GSG1L: variants seen among roughly 807,000 people sequenced by gnomAD.
GSG1L encodes the protein GSG1 like.
In GSG1L, 24 loss-of-function variants were observed where a neutral mutation model predicts 42.1. The observed-to-expected ratio is 0.57, with a 90% CI of 0.41 to 0.80. GSG1L has a LOEUF of 0.80. GSG1L is among the 30% of genes least tolerant of loss of function. The pLI, the probability that GSG1L is intolerant of heterozygous loss-of-function variation, is 0.00. For missense variants in GSG1L, 445 were observed against 472.2 expected, an observed-to-expected ratio of 0.94 and a Z score of 0.53; for synonymous variants, 215 against 203.5, an observed-to-expected ratio of 1.06 and a Z score of -0.48.
intron 2 of GSG1L, among the ~76,000 whole-genome samples, chr16:27,886,296 C>A (rs186792353): frequency 1.3e-5 from 2 of 152,086 alleles, no homozygotes; most frequent in Non-Finnish European, 2.9e-5. Context: ...AAAAAGTAGC[C>A]GGGCGTGGTG....
At chr16:28,006,726 C>A (rs1160947349) in intron 1 of GSG1L, among the ~76,000 whole-genome samples, 1 of 152,084 alleles carries the variant, frequency 6.6e-6, no homozygotes, top group African/African-American at 2.4e-5. Flanking sequence ...TATTACAGCA[C>A]CCACAGAAAA....
Position 27,947,573 on chromosome 16 carries a change from G to GAAAGAAAGAAAGAAAGAAAGAAAGAA in GSG1L, c.397+15557_397+15582dup, listed in dbSNP as rs1567530857. 8.7e-5 allele frequency among the ~76,000 whole-genome samples: 8 copies of GAAAGAAAGAAAGAAAGAAAGAAAGAA among 92,028 alleles called. No individual in the cohort carries two copies. In the East Asian group the frequency reaches 1.0e-3, roughly 12 times the overall value. The allele number at this position is 92,028 out of a possible 152,430, so 60.4% of individuals were successfully genotyped here. Reference sequence around the variant, plus strand: ...AGAAAGAAAGAAAGAAAGAAAGAAAGAAAGAAAGAAAGAAAGAAAGAAAGA... The same window carrying GAAAGAAAGAAAGAAAGAAAGAAAGAA: ...AGAAAGAAAGAAAGAAAGAAAGAAAGAAAGAAAGAAAGAAAGAAAGAAAGAAAAAGAAAGAAAGAAAGAAAGAAAGA... On this transcript the variant is annotated intron_variant, in intron 2 of 6. Transcript: ENST00000447459.
intron 2 of GSG1L, among the ~76,000 whole-genome samples, chr16:27,947,889 A>G (rs2084903418): frequency 6.6e-6 from 1 of 152,176 alleles, no homozygotes; most frequent in Non-Finnish European, 1.5e-5. Flanking sequence ...TTCCATGCAC[A>G]AGGGTCAGAC....
intron 4 of GSG1L, among the ~76,000 whole-genome samples, chr16:27,840,916 A>T (rs1418667669): frequency 6.6e-6 from 1 of 152,162 alleles, no homozygotes; most frequent in Non-Finnish European, 1.5e-5. Flanking sequence ...CACGCCCCAG[A>T]TGACCTCAGC....
intron 1 of GSG1L, among the ~76,000 whole-genome samples, chr16:28,007,535 C>T (rs576789746): frequency 2.0e-5 from 3 of 152,022 alleles, no homozygotes; most frequent in South Asian, 4.2e-4. Context: ...GGTTTTGAGA[C>T]AGGATCTTGC....
At chr16:27,936,076 C>T (rs9932924) in intron 2 of GSG1L, among the ~76,000 whole-genome samples, 23,020 of 151,310 alleles carry the variant, frequency 0.15, 1,895 homozygotes, top group Non-Finnish European at 0.19. Context: ...AGACCTTCAC[C>T]CAGCCTGCCT....
intron 3 of GSG1L, among the ~76,000 whole-genome samples, chr16:27,880,418 C>T (rs962318332): frequency 3.3e-5 from 5 of 152,194 alleles, no homozygotes; most frequent in Non-Finnish European, 5.9e-5. Flanking sequence ...TTTGTCCTCC[C>T]GCCTGGTCAC....
chr16:27,880,762 A>C (rs2083942535), intron 3 of GSG1L, among the ~76,000 whole-genome samples: 1 of 152,028 alleles, frequency 6.6e-6, no homozygotes, highest in Non-Finnish European at 1.5e-5. Context: ...CCAACGACAA[A>C]CTTTTGTTTT....
At chr16:27,814,854 G>C (rs905836717) in intron 5 of GSG1L, among the ~76,000 whole-genome samples, 21 of 152,172 alleles carry the variant, frequency 1.4e-4, no homozygotes, top group Admixed American at 1.3e-3. Context: ...ATGTCAGTAC[G>C]TGACAATTTC....
At chr16:27,946,664 G>GA (rs1567530145) in intron 2 of GSG1L, among the ~76,000 whole-genome samples, 3 of 134,476 alleles carry the variant, frequency 2.2e-5, no homozygotes, top group Non-Finnish European at 3.2e-5. Context: ...AGAAAAGAAA[G>GA]AAAGAAAGAA....
intron 2 of GSG1L, among the ~76,000 whole-genome samples, chr16:27,943,566 CTTTTTTTT>C (rs11385465): frequency 1.0e-4 from 7 of 67,724 alleles, no homozygotes; most frequent in Non-Finnish European, 1.8e-4. Flanking sequence ...TTCTTTGTTT[CTTTTTTTT>C]TTTTTTTTTT....
rs528097971 is a variant in GSG1L at position 27,938,483 on chromosome 16, T to C, written c.397+24673A>G. On this transcript the variant is annotated intron_variant, in intron 2 of 6. Coordinates refer to ENST00000447459, the MANE Select transcript of GSG1L (RefSeq NM_001109763.2). ...CCAAAGGTTCCCATTGAGACAAATG[T>C]CCCTGGAAACACTGGCTGGAGCCTT... Among the ~76,000 whole-genome samples, 12 of 144,546 alleles carry C rather than the reference T, an allele frequency of 8.3e-5. No individual in the cohort carries two copies. The South Asian group carries it at 2.8e-3, about 34-fold the overall frequency. The allele number at this position is 144,546 out of a possible 152,430, so 94.8% of individuals were successfully genotyped here.
At chr16:28,005,622 G>T (rs1187530614) in intron 1 of GSG1L, among the ~76,000 whole-genome samples, 1 of 86,012 alleles carries the variant, frequency 1.2e-5, no homozygotes, top group Non-Finnish European at 3.1e-5. Context: ...ATGAATGGTG[G>T]GGGGGGAGGG....
At chr16:27,907,567 G>C (rs2084334304) in intron 2 of GSG1L, among the ~76,000 whole-genome samples, 1 of 152,204 alleles carries the variant, frequency 6.6e-6, no homozygotes, top group Admixed American at 6.5e-5. Flanking sequence ...TGCAGCCCTG[G>C]CCAAGTGACC....
chr16:27,804,446 C>G (rs376922040), intron 6 of GSG1L, among the ~76,000 whole-genome samples: 39 of 152,084 alleles, frequency 2.6e-4, no homozygotes, highest in African/African-American at 8.7e-4. Flanking sequence ...CCTGTTTCCT[C>G]CCCATCACCA....
At chr16:27,919,478 G>A (rs1331265178) in intron 2 of GSG1L, among the ~76,000 whole-genome samples, 1 of 152,188 alleles carries the variant, frequency 6.6e-6, no homozygotes, top group Non-Finnish European at 1.5e-5. Context: ...CTCCCTACGG[G>A]GATGACAAAG....
At chr16:27,923,809 C>A (rs79003678) in intron 2 of GSG1L, among the ~76,000 whole-genome samples, 1 of 150,676 alleles carries the variant, frequency 6.6e-6, no homozygotes, top group Admixed American at 6.6e-5. Flanking sequence ...AGAGAGAGAA[C>A]GTGCCAGAAA....
chr16:27,950,946 C>T (rs778616940), intron 2 of GSG1L, among the ~76,000 whole-genome samples: 2 of 152,174 alleles, frequency 1.3e-5, no homozygotes, highest in East Asian at 1.9e-4. Context: ...TCTCCCCTCA[C>T]GGATTGTGAG....
At chr16:27,837,604 C>T (rs755174166) in intron 4 of GSG1L, among the ~76,000 whole-genome samples, 31 of 152,226 alleles carry the variant, frequency 2.0e-4, no homozygotes, top group Non-Finnish European at 3.8e-4. Context: ...ACTAGTTCTC[C>T]TCTGACACAA....
Sources: gnomAD v4.1 joint callset for allele counts (sites outside exome capture counted in the v4.1 genomes callset) on GRCh38, gnomAD v4.1.1 for gene constraint, MANE v1.5 for transcripts, NCBI Gene and HGNC (gene_info 2026-07-23, HGNC 2026-07-21) for gene names.